MAPKAP1: variants seen among roughly 807,000 people sequenced by gnomAD.
MAPKAP1 encodes target of rapamycin complex 2 subunit MAPKAP1.
In MAPKAP1, 20 loss-of-function variants were observed where a neutral mutation model predicts 65.7. The observed-to-expected ratio is 0.30, with a 90% CI of 0.21 to 0.44. The LOEUF (loss-of-function observed/expected upper bound fraction) is 0.44. Among genes scored for constraint, MAPKAP1 ranks in the 20% least tolerant of loss-of-function variants. The pLI is 1.00. For missense variants in MAPKAP1, 423 were observed against 648.0 expected, an observed-to-expected ratio of 0.65 and a Z score of 3.77; for synonymous variants, 222 against 244.3, an observed-to-expected ratio of 0.91 and a Z score of 0.85.
chr9:125,627,637 A>G (rs773942012), intron 4 of MAPKAP1, among the ~76,000 whole-genome samples: 9 of 151,990 alleles, frequency 5.9e-5, no homozygotes, highest in Non-Finnish European at 1.2e-4. Context: ...TGTTGCCTCA[A>G]CCTCTCGAGT....
chr9:125,656,325 A>C (rs921637424), intron 4 of MAPKAP1, among the ~76,000 whole-genome samples: 1 of 152,190 alleles, frequency 6.6e-6, no homozygotes, highest in Non-Finnish European at 1.5e-5. Flanking sequence ...ACATTCCACA[A>C]AACAGGAGAA....
At chr9:125,452,609 T>C (rs1193417911) in intron 10 of MAPKAP1, among the ~76,000 whole-genome samples, 1 of 152,074 alleles carries the variant, frequency 6.6e-6, no homozygotes, top group Non-Finnish European at 1.5e-5. Flanking sequence ...ATTATACCTA[T>C]CAACATTTAT....
intron 5 of MAPKAP1, 119 bp from the exon 6 acceptor site, chr9:125,559,928 T>C: frequency 1.0e-6 from 1 of 973,916 alleles, no homozygotes; most frequent in Non-Finnish European, 1.5e-6. Context: ...CCAAGCCTGG[T>C]GATACAGTAA....
intron 6 of MAPKAP1, among the ~76,000 whole-genome samples, chr9:125,550,417 A>C (rs1228217468): frequency 6.6e-6 from 1 of 152,222 alleles, no homozygotes; most frequent in Non-Finnish European, 1.5e-5. Context: ...GAGCTCCCCG[A>C]CTTTGAAGAC....
chr9:125,690,041 TTG>T (rs1167760722), intron 1 of MAPKAP1, among the ~76,000 whole-genome samples: 1 of 152,050 alleles, frequency 6.6e-6, no homozygotes, highest in Non-Finnish European at 1.5e-5. Flanking sequence ...TGAGCCTAGA[TTG>T]CGCCATTGCA....
chr9:125,661,113 A>G (rs1481327350), intron 3 of MAPKAP1, among the ~76,000 whole-genome samples: 1 of 152,226 alleles, frequency 6.6e-6, no homozygotes, highest in Non-Finnish European at 1.5e-5. Context: ...CAGCTCTTAA[A>G]TGGAAAGATT....
intron 1 of MAPKAP1, among the ~76,000 whole-genome samples, chr9:125,685,470 G>T (rs1320437913): frequency 6.6e-6 from 1 of 152,192 alleles, no homozygotes. Context: ...TGAAAGACTG[G>T]GGTGAGTCTG....
chr9:125,669,223 G>A (rs4838281), intron 3 of MAPKAP1, among the ~76,000 whole-genome samples: 46,741 of 151,142 alleles, frequency 0.31, 8,772 homozygotes, highest in Middle Eastern at 0.44. Flanking sequence ...GCTCATGCCT[G>A]TAATCCCAGC....
At chr9:125,550,301 C>T (rs991110534) in intron 6 of MAPKAP1, among the ~76,000 whole-genome samples, 1 of 151,992 alleles carries the variant, frequency 6.6e-6, no homozygotes, top group African/African-American at 2.4e-5. Flanking sequence ...TGACAGACTC[C>T]GACATAAGCT....
intron 4 of MAPKAP1, among the ~76,000 whole-genome samples, chr9:125,609,267 TC>T (rs1639025626): frequency 6.6e-6 from 1 of 152,136 alleles, no homozygotes; most frequent in Admixed American, 6.5e-5. Context: ...CAAGTTTCCT[TC>T]CCCTAAAGTA....
intron 8 of MAPKAP1, among the ~76,000 whole-genome samples, chr9:125,488,387 CAG>C (rs1384440660): frequency 6.6e-6 from 1 of 152,110 alleles, no homozygotes; most frequent in Non-Finnish European, 1.5e-5. Context: ...TCTTTTGAGA[CAG>C]AGTTTTGCTC....
intron 7 of MAPKAP1, among the ~76,000 whole-genome samples, chr9:125,532,000 G>A (rs922719157): frequency 2.0e-5 from 3 of 152,012 alleles, no homozygotes; most frequent in African/African-American, 4.8e-5. Flanking sequence ...TGCAGCTCCC[G>A]TCAATATATA....
chr9:125,478,531 T>C (rs900482075), intron 9 of MAPKAP1, among the ~76,000 whole-genome samples: 1 of 152,116 alleles, frequency 6.6e-6, no homozygotes, highest in Admixed American at 6.5e-5. Flanking sequence ...GGTTTTGTCA[T>C]GTTGTCCAGA....
At chr9:125,534,441 A>G (rs1206475512) in intron 7 of MAPKAP1, among the ~76,000 whole-genome samples, 2 of 152,230 alleles carry the variant, frequency 1.3e-5, no homozygotes, top group Non-Finnish European at 2.9e-5. Flanking sequence ...CAATTCTCCC[A>G]AACTGTGCAT....
chr9:125,616,515 A>C (rs1389874154), intron 4 of MAPKAP1, among the ~76,000 whole-genome samples: 3 of 152,212 alleles, frequency 2.0e-5, no homozygotes, highest in Non-Finnish European at 4.4e-5. Flanking sequence ...ATCAGGAAGA[A>C]ATTGATTAAA....
chr9:125,680,884 C>G (rs1034994790), intron 1 of MAPKAP1, among the ~76,000 whole-genome samples: 3 of 152,154 alleles, frequency 2.0e-5, no homozygotes, highest in African/African-American at 7.2e-5. Context: ...TCACAGAAGA[C>G]TTCAGGAAGG....
intron 7 of MAPKAP1, among the ~76,000 whole-genome samples, chr9:125,511,164 C>CCAT (rs3051230): frequency 0.043 from 6,298 of 147,028 alleles, 185 homozygotes; most frequent in African/African-American, 0.081. Flanking sequence ...ATCATCATCA[C>CCAT]CATCATCATC....
At chr9:125,551,881 C>T (rs1270276751) in intron 6 of MAPKAP1, among the ~76,000 whole-genome samples, 2 of 152,174 alleles carry the variant, frequency 1.3e-5, no homozygotes, top group African/African-American at 4.8e-5. Context: ...TTAGCCCACT[C>T]AAGATCTCAT....
intron 4 of MAPKAP1, among the ~76,000 whole-genome samples, chr9:125,639,097 A>G (rs1833505348): frequency 6.6e-6 from 1 of 152,134 alleles, no homozygotes; most frequent in Non-Finnish European, 1.5e-5. Flanking sequence ...AAAAATTCAC[A>G]GGGTGTGGTG....
Sources: allele counts gnomAD v4.1 joint callset (sites outside exome capture counted in the v4.1 genomes callset), GRCh38; gene constraint gnomAD v4.1.1; transcripts MANE v1.5; gene names NCBI Gene and HGNC (gene_info 2026-07-23, HGNC 2026-07-21).